MAGI3: variants seen among roughly 807,000 people sequenced by gnomAD.
MAGI3 encodes the protein membrane associated guanylate kinase, WW and PDZ domain containing 3.
A neutral mutation model predicts 121.8 loss-of-function variants in MAGI3; 43 were observed. The ratio of observed to expected loss-of-function variants is 0.35; its 90% CI spans 0.28 to 0.46. The LOEUF (loss-of-function observed/expected upper bound fraction) is 0.46. Ranked by LOEUF, MAGI3 falls within the 20% of genes least tolerant of loss-of-function variation. The probability of loss-of-function intolerance (pLI) is 1.00; values close to 1 mark genes in which losing one functional copy is unlikely to be tolerated. For synonymous variants in MAGI3, 553 were observed against 639.3 expected (o/e 0.86, Z 2.04); for missense variants, 1,547 against 1,797.3 (o/e 0.86, Z 2.52).
At chr1:113,643,817 AGAGAG>A in intron 11 of MAGI3, 43 bp downstream of exon 11, 1 of 1,574,894 alleles carries the variant, frequency 6.3e-7, no homozygotes, top group Non-Finnish European at 8.7e-7. Flanking sequence ...CAACACACTG[AGAGAG>A]ATGCCACATT....
chr1:113,409,520 G>A (rs1651862992), intron 1 of MAGI3, among the ~76,000 whole-genome samples: 5 of 152,008 alleles, frequency 3.3e-5, no homozygotes, highest in Admixed American at 3.3e-4. Flanking sequence ...GTGCATACTT[G>A]TGGTTTCAGC....
At chr1:113,426,191 A>G (rs1334803300) in intron 1 of MAGI3, among the ~76,000 whole-genome samples, 2 of 152,096 alleles carry the variant, frequency 1.3e-5, no homozygotes, top group Non-Finnish European at 2.9e-5. Flanking sequence ...ATTAATTTTC[A>G]TATGTTTAGA....
intron 2 of MAGI3, among the ~76,000 whole-genome samples, chr1:113,552,874 A>T (rs1485763484): frequency 6.6e-6 from 1 of 152,182 alleles, no homozygotes; most frequent in Non-Finnish European, 1.5e-5. Context: ...TACTTTCCTA[A>T]AAAGTTTGAG....
chr1:113,551,784 T>C (rs1180620744), intron 2 of MAGI3, among the ~76,000 whole-genome samples: 2 of 152,186 alleles, frequency 1.3e-5, no homozygotes, highest in African/African-American at 4.8e-5. Context: ...AGCTTTTCAC[T>C]GTGTAGTCAT....
At chr1:113,519,287 A>G (rs1394580417) in intron 1 of MAGI3, among the ~76,000 whole-genome samples, 1 of 152,156 alleles carries the variant, frequency 6.6e-6, no homozygotes, top group African/African-American at 2.4e-5. Flanking sequence ...GGTTTCTCAT[A>G]ATTAATTATC....
At chr1:113,408,800 C>T (rs1342167321) in intron 1 of MAGI3, among the ~76,000 whole-genome samples, 2 of 152,044 alleles carry the variant, frequency 1.3e-5, no homozygotes, top group Non-Finnish European at 2.9e-5. Context: ...CAGTTACAGC[C>T]AAAGTATTTG....
intron 1 of MAGI3, among the ~76,000 whole-genome samples, chr1:113,524,468 C>G (rs1658362047): frequency 1.3e-5 from 2 of 152,144 alleles, no homozygotes; most frequent in South Asian, 4.2e-4. Flanking sequence ...GAACCCACCT[C>G]TGGCATCAGC....
chr1:113,633,471 C>T (rs1351364160), intron 9 of MAGI3, among the ~76,000 whole-genome samples: 63 of 151,244 alleles, frequency 4.2e-4, no homozygotes, highest in Non-Finnish European at 7.7e-4. Context: ...CCGTTTTAGC[C>T]GGGATGGTCT....
At position 113,425,748 on chromosome 1, in the gene MAGI3, G is replaced by A. The variant is rs1009996335; in HGVS notation, c.316+34399G>A. On this transcript the variant is annotated intron_variant, in intron 1 of 20. Coordinates refer to ENST00000307546, the MANE Select transcript of MAGI3 (RefSeq NM_001142782.2). Reference sequence around the variant, plus strand: ...CCTTTAAATGACTGCAGGATCCGTCGTAATAGACCCTGTTTCATTCCTGAC... The same window carrying A: ...CCTTTAAATGACTGCAGGATCCGTCATAATAGACCCTGTTTCATTCCTGAC... Among the ~76,000 whole-genome samples, 9 of 152,074 alleles carry A rather than the reference G, an allele frequency of 5.9e-5. 1 individual carries two copies. In the South Asian group the frequency reaches 1.7e-3, roughly 28 times the overall value.
intron 11 of MAGI3, among the ~76,000 whole-genome samples, chr1:113,644,070 G>T (rs1178339787): frequency 6.6e-6 from 1 of 152,092 alleles, no homozygotes; most frequent in African/African-American, 2.4e-5. Flanking sequence ...CAACCTAGAG[G>T]TCTTTTTACT....
chr1:113,593,004 T>A (rs2101738981), intron 5 of MAGI3, among the ~76,000 whole-genome samples: 1 of 152,262 alleles, frequency 6.6e-6, no homozygotes, highest in South Asian at 2.1e-4. Flanking sequence ...AGAGTGAGAC[T>A]CTGTCTCAAA....
intron 1 of MAGI3, among the ~76,000 whole-genome samples, chr1:113,523,162 G>T (rs1225541231): frequency 6.6e-6 from 1 of 152,168 alleles, no homozygotes; most frequent in East Asian, 1.9e-4. Context: ...CTTCCGCCGT[G>T]ACTGTGAGGC....
chr1:113,470,860 A>G (rs543579257), intron 1 of MAGI3, among the ~76,000 whole-genome samples: 2 of 152,304 alleles, frequency 1.3e-5, no homozygotes, highest in South Asian at 4.1e-4. Flanking sequence ...GTTTCAAATG[A>G]CAGGAATTTC....
chr1:113,634,633 T>C (rs546408617), intron 9 of MAGI3, among the ~76,000 whole-genome samples: 1 of 152,352 alleles, frequency 6.6e-6, no homozygotes, highest in African/African-American at 2.4e-5. Flanking sequence ...TTTTGGTTAC[T>C]GTAGCCTTGT....
chr1:113,510,463 T>C (rs1657561124), intron 1 of MAGI3, among the ~76,000 whole-genome samples: 1 of 152,004 alleles, frequency 6.6e-6, no homozygotes, highest in Admixed American at 6.6e-5. Flanking sequence ...CAAATATCTG[T>C]TTGGTCTTTT....
At chr1:113,525,212 A>G (rs1415339087) in intron 1 of MAGI3, among the ~76,000 whole-genome samples, 2 of 152,090 alleles carry the variant, frequency 1.3e-5, no homozygotes, top group East Asian at 1.9e-4. Context: ...TGTGTTCACA[A>G]TTTCCCAATT....
intron 1 of MAGI3, chr1:113,450,347 T>C: frequency 7.5e-7 from 1 of 1,329,196 alleles, no homozygotes; most frequent in Admixed American, 1.7e-5. Flanking sequence ...GCTATGGTGG[T>C]GGAGGTGGTG....
chr1:113,615,560 A>G lies in MAGI3; in HGVS notation c.1076+902A>G, dbSNP rs76403572. 5.1e-3 allele frequency among the ~76,000 whole-genome samples: 776 copies of G among 152,272 alleles called. 4 individuals are homozygous for G. Among genetic ancestry groups the G allele is most frequent in the African/African-American group, 0.018 (749 of 41,558 alleles). ...ATGCCATTTCCTGGTAGTTATCCCTAAAGTAAGTATCTCTGACTCCTGTTG... is the reference window on the plus strand; with the variant it reads ...ATGCCATTTCCTGGTAGTTATCCCTGAAGTAAGTATCTCTGACTCCTGTTG... On this transcript the variant is annotated intron_variant, in intron 7 of 20. Transcript: ENST00000307546.
intron 1 of MAGI3, among the ~76,000 whole-genome samples, chr1:113,432,097 A>G (rs1653330146): frequency 6.6e-6 from 1 of 152,232 alleles, no homozygotes; most frequent in Non-Finnish European, 1.5e-5. Flanking sequence ...TGGAAAAAGA[A>G]TAAACTGTTC....
Sources: gnomAD v4.1 joint callset for allele counts (sites outside exome capture counted in the v4.1 genomes callset) on GRCh38, gnomAD v4.1.1 for gene constraint, MANE v1.5 for transcripts, NCBI Gene and HGNC (gene_info 2026-07-23, HGNC 2026-07-21) for gene names.